GRIA3: variants seen among roughly 807,000 people sequenced by gnomAD.
GRIA3 encodes glutamate ionotropic receptor AMPA type subunit 3, also known as glutamate receptor 3.
A neutral mutation model predicts 63.0 loss-of-function variants in GRIA3; 3 were observed. The ratio of observed to expected loss-of-function variants is 0.05; its 90% CI spans 0.02 to 0.12. The LOEUF (loss-of-function observed/expected upper bound fraction) is 0.12. Ranked by LOEUF, GRIA3 falls within the 10% of genes least tolerant of loss-of-function variation. The pLI is 1.00. For missense variants in GRIA3, 347 were observed against 700.9 expected (o/e 0.50, Z 5.70); for synonymous variants, 274 against 257.9 (o/e 1.06, Z -0.60).
At chrX:123,455,946 C>G (rs950376762) in intron 12 of GRIA3, among the ~76,000 whole-genome samples, 14 of 111,528 alleles carry the variant, frequency 1.3e-4, no homozygotes, top group Non-Finnish European at 2.6e-4. Flanking sequence ...GTATTGGAGA[C>G]TCTTCAAGGT....
At chrX:123,219,912 A>T (rs1358900761) in intron 2 of GRIA3, among the ~76,000 whole-genome samples, 2 of 112,251 alleles carry the variant, frequency 1.8e-5, no homozygotes, top group Non-Finnish European at 3.8e-5. Context: ...GTGTCAGTTC[A>T]CTCTGCCCCA....
At chrX:123,275,019 A>C (rs189337307) in intron 3 of GRIA3, among the ~76,000 whole-genome samples, 1 of 111,297 alleles carries the variant, frequency 9.0e-6, no homozygotes, top group Non-Finnish European at 1.9e-5. Context: ...AAAATGACTA[A>C]ATTAGAACAC....
At chrX:123,410,936 G>A (rs768571035) in intron 10 of GRIA3, among the ~76,000 whole-genome samples, 6 of 111,822 alleles carry the variant, frequency 5.4e-5, no homozygotes, top group African/African-American at 9.7e-5. Context: ...AGATCCAGTC[G>A]GGGATACCTG....
chrX:123,442,189 C>T (rs1030875740), intron 12 of GRIA3, among the ~76,000 whole-genome samples: 1 of 112,212 alleles, frequency 8.9e-6, no homozygotes, highest in African/African-American at 3.2e-5. Flanking sequence ...GTCCATAGTC[C>T]TGTCTTAAAA....
At chrX:123,295,617 A>G (rs1021341411) in intron 3 of GRIA3, among the ~76,000 whole-genome samples, 2 of 111,253 alleles carry the variant, frequency 1.8e-5, no homozygotes, top group Non-Finnish European at 3.8e-5. Context: ...TCCAAAGTAC[A>G]CTATGATTTA....
chrX:123,306,780 C>G (rs920725159), intron 3 of GRIA3, among the ~76,000 whole-genome samples: 9 of 111,993 alleles, frequency 8.0e-5, no homozygotes, highest in African/African-American at 2.9e-4. Flanking sequence ...CATACTTGTA[C>G]CCATCCAGCT....
chrX:123,348,218 T>C (rs2045066297), intron 4 of GRIA3, among the ~76,000 whole-genome samples: 1 of 111,985 alleles, frequency 8.9e-6, no homozygotes, highest in Admixed American at 9.5e-5. Flanking sequence ...ATTTGATATT[T>C]AGAATAAGGG....
chrX:123,258,861 G>A (rs1197978223), intron 3 of GRIA3, among the ~76,000 whole-genome samples: 3 of 111,791 alleles, frequency 2.7e-5, no homozygotes, highest in Non-Finnish European at 3.8e-5. Context: ...ATTTCCTCTC[G>A]AAGGTTGTGA....
chrX:123,214,486 T>C (rs1221488071), intron 2 of GRIA3, among the ~76,000 whole-genome samples: 1 of 111,779 alleles, frequency 8.9e-6, no homozygotes, highest in East Asian at 2.8e-4. Flanking sequence ...CATAAATTTA[T>C]CCCTAAATAA....
At chrX:123,304,079 A>G (rs1277592233) in intron 3 of GRIA3, among the ~76,000 whole-genome samples, 1 of 75,644 alleles carries the variant, frequency 1.3e-5, no homozygotes, top group Non-Finnish European at 2.7e-5. Context: ...ACCTATGTTC[A>G]GAAAGATGAC....
intron 2 of GRIA3, among the ~76,000 whole-genome samples, chrX:123,219,410 C>G (rs1476233160): frequency 1.8e-5 from 2 of 111,969 alleles, no homozygotes; most frequent in African/African-American, 6.5e-5. Flanking sequence ...TTTTAAGGTT[C>G]AAGAAGTAGA....
At chrX:123,388,858 T>C (rs2045368239) in intron 5 of GRIA3, among the ~76,000 whole-genome samples, 1 of 112,119 alleles carries the variant, frequency 8.9e-6, no homozygotes, top group African/African-American at 3.2e-5. Context: ...CAGTTATTTC[T>C]ATAAACTTCC....
intron 2 of GRIA3, among the ~76,000 whole-genome samples, chrX:123,206,818 T>C (rs914515186): frequency 8.9e-6 from 1 of 112,239 alleles, no homozygotes; most frequent in African/African-American, 3.2e-5. Flanking sequence ...ATACTTTGAT[T>C]GGATTCTGTT....
In GRIA3 at chrX:123,447,220, T is replaced by C. The variant is rs139678770; in HGVS notation, c.2077-17645T>C. Among the ~76,000 whole-genome samples the C allele has an allele frequency of 6.1e-3, 681 of 110,943 alleles. 4 individuals carry two copies. Among genetic ancestry groups the C allele is most frequent in the African/African-American group, 0.02 (623 of 30,499 alleles). On this transcript the variant is annotated intron_variant, in intron 12 of 15. Transcript: ENST00000620443. ...CAACATGGTGAAATCCCATCTCTAC[T>C]ACAAATACAAAAATTAGCCGGGCAT...
intron 3 of GRIA3, among the ~76,000 whole-genome samples, chrX:123,303,685 C>T (rs972670193): frequency 3.6e-5 from 4 of 110,452 alleles, no homozygotes; most frequent in African/African-American, 1.3e-4. Flanking sequence ...CTTTTGCTCC[C>T]ATACCCAAGG....
chrX:123,196,828 A>G (rs1190776610), intron 2 of GRIA3, among the ~76,000 whole-genome samples: 1 of 112,143 alleles, frequency 8.9e-6, no homozygotes, highest in Non-Finnish European at 1.9e-5. Context: ...GGTGATTGTT[A>G]CAATCACTTC....
At chrX:123,247,702 C>T (rs2044367018) in intron 2 of GRIA3, among the ~76,000 whole-genome samples, 1 of 110,454 alleles carries the variant, frequency 9.1e-6, no homozygotes, top group Admixed American at 9.6e-5. Context: ...GCCAAATTGG[C>T]AGAGTTTCTT....
At chrX:123,217,344 G>GA (rs1407056021) in intron 2 of GRIA3, among the ~76,000 whole-genome samples, 1 of 111,547 alleles carries the variant, frequency 9.0e-6, no homozygotes, top group Non-Finnish European at 1.9e-5. Context: ...GAAGAGGGTG[G>GA]AGGAAAGAAG....
intron 3 of GRIA3, among the ~76,000 whole-genome samples, chrX:123,284,296 C>A (rs760211342): frequency 8.9e-6 from 1 of 111,933 alleles, no homozygotes; most frequent in East Asian, 2.8e-4. Flanking sequence ...ATAAGAAAAA[C>A]CGGCACAAAA....
Sources: gnomAD v4.1 joint callset for allele counts (sites outside exome capture counted in the v4.1 genomes callset) on GRCh38, gnomAD v4.1.1 for gene constraint, MANE v1.5 for transcripts, NCBI Gene and HGNC (gene_info 2026-07-23, HGNC 2026-07-21) for gene names.